Variants in MRPS6 observed in about 807,000 individuals in gnomAD.
MRPS6 encodes small ribosomal subunit protein bS6m.
In MRPS6, 6 loss-of-function variants were observed where a neutral mutation model predicts 13.1. That is an observed-to-expected ratio of 0.46 (90% CI 0.25 to 0.91). The LOEUF (loss-of-function observed/expected upper bound fraction) is 0.91. Ranked by LOEUF, MRPS6 falls within the 40% of genes least tolerant of loss-of-function variation. The pLI is 0.18. For synonymous variants in MRPS6, 61 were observed against 56.5 expected (o/e 1.08, Z -0.36); for missense variants, 164 against 155.6 (o/e 1.05, Z -0.29).
chr21:34,093,857 G>A (rs1405780362), intron 1 of MRPS6, among the ~76,000 whole-genome samples: 1 of 152,036 alleles, frequency 6.6e-6, no homozygotes, highest in Non-Finnish European at 1.5e-5. Context: ...ATTCCTGATG[G>A]TCCTACTGAA....
At chr21:34,109,474 G>C (rs995167301) in intron 1 of MRPS6, among the ~76,000 whole-genome samples, 2 of 152,124 alleles carry the variant, frequency 1.3e-5, no homozygotes, top group Non-Finnish European at 2.9e-5. Context: ...AAGAACACAG[G>C]GGCCCCATCA....
At chr21:34,097,884 G>A in intron 1 of MRPS6, 1 of 996,960 alleles carries the variant, frequency 1.0e-6, no homozygotes, top group Non-Finnish European at 1.2e-6. Flanking sequence ...GGTTCATTTT[G>A]TTAGCATGAG....
chr21:34,125,178 C>T, intron 1 of MRPS6, 163 bp from the exon 2 acceptor site: 1 of 1,063,200 alleles, frequency 9.4e-7, no homozygotes, highest in Non-Finnish European at 1.3e-6. Context: ...AATTCTCTCT[C>T]TCTTTTATTT....
chr21:34,136,382 A>G (rs1308363320), intron 2 of MRPS6, among the ~76,000 whole-genome samples: 1 of 152,182 alleles, frequency 6.6e-6, no homozygotes, highest in African/African-American at 2.4e-5. Flanking sequence ...TCCTGACTTC[A>G]GGTGATCTGC....
intron 1 of MRPS6, chr21:34,102,134 GT>G (rs1412827855): frequency 8.0e-6 from 8 of 1,000,028 alleles, no homozygotes; most frequent in South Asian, 4.7e-5. Context: ...AATATGGAAT[GT>G]TTTTGTCAGA....
Position 34,096,915 on chromosome 21 carries a change from C to G in MRPS6, c.45+23170C>G. 2 of 1,614,076 alleles carry G rather than the reference C, an allele frequency of 1.2e-6. No homozygotes were observed. On this transcript the variant is annotated intron_variant, in intron 1 of 2. Transcript: ENST00000399312. This position sits in a 1 kb window ranked among gnomAD's most constrained non-coding sequence, Gnocchi z 5.9. ...ATACAAAATGCAAGAAAAGAGCATTCTGAGATGCAGTGAGAATAATGAGAC... is the reference window on the plus strand; with the variant it reads ...ATACAAAATGCAAGAAAAGAGCATTGTGAGATGCAGTGAGAATAATGAGAC...
At chr21:34,110,854 A>G (rs530172633) in intron 1 of MRPS6, among the ~76,000 whole-genome samples, 13 of 152,256 alleles carry the variant, frequency 8.5e-5, no homozygotes, top group Non-Finnish European at 1.5e-4. Flanking sequence ...CGATAGCGCT[A>G]GAACTCATGC....
chr21:34,126,565 A>G (rs1235822991), intron 2 of MRPS6, among the ~76,000 whole-genome samples: 2 of 152,260 alleles, frequency 1.3e-5, no homozygotes, highest in Non-Finnish European at 2.9e-5. Context: ...CACAGTCATA[A>G]TAACAATGAG....
intron 1 of MRPS6, among the ~76,000 whole-genome samples, chr21:34,120,636 A>G (rs139965279): frequency 0.017 from 2,599 of 152,182 alleles, 65 homozygotes; most frequent in African/African-American, 0.057. Flanking sequence ...AAATTTTTGG[A>G]TAGTACTTTA....
chr21:34,131,814 C>CCT (rs1178039179), intron 2 of MRPS6, among the ~76,000 whole-genome samples: 2 of 152,244 alleles, frequency 1.3e-5, no homozygotes, highest in Non-Finnish European at 2.9e-5. Flanking sequence ...CATGGACAGT[C>CCT]TCCCACAGGA....
chr21:34,097,485 A>G, intron 1 of MRPS6: 3 of 1,440,794 alleles, frequency 2.1e-6, no homozygotes, highest in Non-Finnish European at 2.7e-6. Flanking sequence ...CTTAGCAGAA[A>G]ATCATCTAAT....
At position 34,079,907 on chromosome 21, in the gene MRPS6, A is replaced by C. The variant is rs118053703; in HGVS notation, c.45+6162A>C. Among the ~76,000 whole-genome samples the C allele has an allele frequency of 1.6e-4, 24 of 152,152 alleles. No individual in the cohort carries two copies. In the East Asian group the frequency reaches 4.6e-3, roughly 29 times the overall value. On this transcript the variant is annotated intron_variant, in intron 1 of 2. Transcript: ENST00000399312. ...AACTTAATGTGTTGCCTATCCCCAA[A>C]GTTGCCTCTGTTATTGCTTATTTCT... is the stretch of plus-strand genomic sequence containing the variant.
intron 2 of MRPS6, among the ~76,000 whole-genome samples, chr21:34,126,351 A>G (rs1469092062): frequency 6.6e-6 from 1 of 152,234 alleles, no homozygotes; most frequent in African/African-American, 2.4e-5. Flanking sequence ...GTGCAGGTAC[A>G]GTACGTGTGA....
At chr21:34,139,771 C>T (rs1271511083) in intron 2 of MRPS6, among the ~76,000 whole-genome samples, 2 of 152,100 alleles carry the variant, frequency 1.3e-5, no homozygotes, top group Non-Finnish European at 2.9e-5. Flanking sequence ...GGAGATGAGG[C>T]TTCACCATGT....
At chr21:34,126,238 T>C (rs1011731714) in intron 2 of MRPS6, among the ~76,000 whole-genome samples, 99 of 152,198 alleles carry the variant, frequency 6.5e-4, no homozygotes, top group African/African-American at 2.3e-3. Flanking sequence ...ACTCAGGTTA[T>C]GGGTCTCCCA....
intron 1 of MRPS6, chr21:34,103,328 A>C (rs972768849): frequency 1.0e-6 from 1 of 998,990 alleles, no homozygotes; most frequent in Non-Finnish European, 1.2e-6. Context: ...AAAAAAAAAA[A>C]AAACATGCAT....
chr21:34,083,755 C>T (rs1211397504), intron 1 of MRPS6, among the ~76,000 whole-genome samples: 1 of 152,174 alleles, frequency 6.6e-6, no homozygotes, highest in Non-Finnish European at 1.5e-5. Context: ...GAATGCCATT[C>T]TCATGTGTGG....
chr21:34,080,345 AT>A (rs1989431096), intron 1 of MRPS6, among the ~76,000 whole-genome samples: 1 of 152,138 alleles, frequency 6.6e-6, no homozygotes, highest in African/African-American at 2.4e-5. Context: ...CTCCCAACTT[AT>A]TTTTTTAACC....
At chr21:34,074,832 C>CTTT (rs1989287131) in intron 1 of MRPS6, among the ~76,000 whole-genome samples, 1 of 152,216 alleles carries the variant, frequency 6.6e-6, no homozygotes, top group Non-Finnish European at 1.5e-5. Context: ...TTTGGTTGAA[C>CTTT]TTAAGCTCAA....
Sources: gnomAD v4.1 joint callset for allele counts (sites outside exome capture counted in the v4.1 genomes callset) on GRCh38, gnomAD v4.1.1 for gene constraint, Gnocchi (gnomAD v3.1) non-coding constraint, MANE v1.5 for transcripts, NCBI Gene and HGNC (gene_info 2026-07-23, HGNC 2026-07-21) for gene names.